MYOM1: variants seen among roughly 807,000 people sequenced by gnomAD.
MYOM1 encodes myomesin 1, also known as myomesin-1.
MYOM1 carries 164 observed loss-of-function variants against 205.3 expected under a neutral mutation model. That is an observed-to-expected ratio of 0.80 (90% confidence interval 0.70 to 0.91). The LOEUF is 0.91. MYOM1 is among the 40% of genes least tolerant of loss of function. MYOM1 has a pLI of 0.00. For synonymous variants in MYOM1, 772 were observed against 789.4 expected, an observed-to-expected ratio of 0.98 and a Z score of 0.37; for missense variants, 2,011 against 2,127.3, an observed-to-expected ratio of 0.95 and a Z score of 1.08.
rs569288238 is a variant in MYOM1 at position 3,209,514 on chromosome 18, C to T, written c.290+5420G>A. ...TTCCTTCTTTAACTCAGAATATCAA[C>T]TCCCTTCAATGGCCCACAGGCCCTC... is the stretch of plus-strand genomic sequence containing the variant. On this transcript the variant is annotated intron_variant, in intron 2 of 37. Transcript: ENST00000356443. The surrounding 1 kb of genome is among the most constrained non-coding windows in gnomAD (Gnocchi z 4.0). Among the ~76,000 whole-genome samples the T allele has an allele frequency of 9.2e-5, 14 of 152,336 alleles. No homozygotes were observed. Among genetic ancestry groups the T allele is most frequent in the South Asian group, 6.2e-4 (3 of 4,830 alleles).
chr18:3,239,756 C>CAAAAAAA, the MYOM1 span, among the ~76,000 whole-genome samples: 1 of 42,180 alleles, frequency 2.4e-5, no homozygotes, highest in Non-Finnish European at 4.4e-5. Context: ...CACCTTGTCT[C>CAAAAAAA]AAAAAAAAAA....
In MYOM1 at chr18:3,131,371, T is replaced by C. The variant is rs376166841; in HGVS notation, c.2506+4A>G. 10 of 1,613,708 alleles carry C rather than the reference T, an allele frequency of 6.2e-6. No homozygotes were observed. The African/African-American group carries it at 1.1e-4, about 17-fold the overall frequency. The stretch of plus-strand genomic sequence containing the variant: ...CCCCATACAGTTATGCATAAGGAAC[T>C]TACCAATAGCAGCTTTGACTTCAAT... On this transcript the variant is annotated splice_donor_region_variant and intron_variant, in intron 17 of 37. Transcript: ENST00000356443.
chr18:3,181,881 C>T (rs2080737497), intron 5 of MYOM1, among the ~76,000 whole-genome samples: 1 of 151,790 alleles, frequency 6.6e-6, no homozygotes, highest in Admixed American at 6.6e-5. Context: ...CTACAGGTTC[C>T]TGCCACCACA....
chr18:3,132,497 G>A (rs1400298271), intron 16 of MYOM1, among the ~76,000 whole-genome samples: 1 of 152,052 alleles, frequency 6.6e-6, no homozygotes, highest in African/African-American at 2.4e-5. Context: ...GGGATACATG[G>A]GAAGGTTTGT....
intron 36 of MYOM1, among the ~76,000 whole-genome samples, chr18:3,072,973 ATTTTTTT>A (rs770278592): frequency 9.8e-6 from 1 of 102,438 alleles, no homozygotes; most frequent in Non-Finnish European, 1.9e-5. Flanking sequence ...AGATGTAAGC[ATTTTTTT>A]TTTTTTTTTT....
chr18:3,125,856 C>G (rs1189271932), intron 19 of MYOM1, among the ~76,000 whole-genome samples: 1 of 152,158 alleles, frequency 6.6e-6, no homozygotes, highest in Non-Finnish European at 1.5e-5. Flanking sequence ...GAGGAGAACA[C>G]ATGTGAGGCC....
intron 29 of MYOM1, 71 bp downstream of exon 29, chr18:3,089,103 T>A: frequency 9.0e-7 from 1 of 1,104,980 alleles, no homozygotes; most frequent in Non-Finnish European, 1.3e-6. Context: ...GATGAAAAAT[T>A]GAGCTTCCTC....
intron 2 of MYOM1, among the ~76,000 whole-genome samples, chr18:3,206,599 C>CA (rs2081126108): frequency 6.6e-6 from 1 of 152,158 alleles, no homozygotes; most frequent in South Asian, 2.1e-4. Context: ...TTTGTGAAAA[C>CA]GTTGTTTTGG....
chr18:3,094,158 T>A lies in MYOM1; in HGVS notation c.3864+12A>T, dbSNP rs370173085. 6.2e-7 allele frequency: 1 copy of A among 1,613,486 alleles called. No individual in the cohort carries two copies. The highest frequency in any genetic ancestry group is 1.7e-5 in the Admixed American group (1 of 59,992). ...ATGATACATTAAAAAGTCTAAACAGTGTAAAACCTACCGGGCCTTCAAAAA... is the reference window on the plus strand; with the variant it reads ...ATGATACATTAAAAAGTCTAAACAGAGTAAAACCTACCGGGCCTTCAAAAA... On this transcript the variant is annotated intron_variant, in intron 26 of 37. Coordinates refer to ENST00000356443, the MANE Select transcript of MYOM1 (RefSeq NM_003803.4).
chr18:3,191,918 A>T lies in MYOM1; in HGVS notation c.431+1900T>A, dbSNP rs9949449. Among the ~76,000 whole-genome samples the T allele has an allele frequency of 3.7e-3, 564 of 152,098 alleles. 5 individuals carry two copies. Among genetic ancestry groups the T allele is most frequent in the African/African-American group, 0.013 (521 of 41,424 alleles). Reference sequence around the variant, plus strand: ...TCACCGTGTTAGCCAGGATGGTCTCAATCTCCTGACATTGTGATCTGCCCG... The same window carrying T: ...TCACCGTGTTAGCCAGGATGGTCTCTATCTCCTGACATTGTGATCTGCCCG... On this transcript the variant is annotated intron_variant, in intron 3 of 37. Coordinates refer to ENST00000356443, the MANE Select transcript of MYOM1 (RefSeq NM_003803.4).
intron 16 of MYOM1, among the ~76,000 whole-genome samples, chr18:3,131,719 T>G (rs888449110): frequency 6.6e-6 from 1 of 152,094 alleles, no homozygotes; most frequent in African/African-American, 2.4e-5. Context: ...GTGCTGGGAT[T>G]ACAGTTGTAA....
chr18:3,066,883 C>T lies in MYOM1; in HGVS notation c.*379G>A, dbSNP rs2143598576. 5.2e-6 allele frequency: 1 copy of T among 191,984 alleles called. No homozygotes were observed. The highest frequency in any genetic ancestry group is 1.2e-4 in the East Asian group (1 of 8,268). 11.9% of individuals were successfully genotyped at this position (191,984 alleles called of 1,614,324 possible). A position where few individuals can be genotyped will look rare whatever the true frequency, so the allele number is the denominator to read the frequency against. The stretch of plus-strand genomic sequence containing the variant: ...AAGCCACGAGGCGCCCGTCGAAAAG[C>T]ACATCACCTCTGTAACAACACACGA... On this transcript the variant is annotated 3_prime_UTR_variant, in exon 38 of 38. Transcript: ENST00000356443.
chr18:3,142,590 T>C (rs993749278), intron 13 of MYOM1, among the ~76,000 whole-genome samples: 5 of 57,642 alleles, frequency 8.7e-5, no homozygotes, highest in Non-Finnish European at 9.8e-5. Flanking sequence ...ATTTAGAATA[T>C]AGAGCTAAGA....
Position 3,134,709 on chromosome 18 carries a change from C to A in MYOM1, c.2325G>T (p.Ala775=). The A allele has an allele frequency of 6.2e-7, 1 of 1,613,896 alleles. No individual in the cohort carries two copies. Among genetic ancestry groups the A allele is most frequent in the South Asian group, 1.1e-5 (1 of 91,068 alleles). Residue 775 remains alanine, a synonymous_variant, in exon 16 of 38, where the codon GCG becomes GCT. Coordinates refer to ENST00000356443, the MANE Select transcript of MYOM1 (RefSeq NM_003803.4). ...AKELVGYYIE[A]SVAGSGKWEP... is the part of the protein sequence containing the mutation. ...CCCACTTGCCAGAGCCAGCAACGCT[C>A]GCCTCTATGTAGTACCCGACCAGCT...
At chr18:3,242,666 G>A in the MYOM1 span, among the ~76,000 whole-genome samples, 1 of 151,944 alleles carries the variant, frequency 6.6e-6, no homozygotes, top group Non-Finnish European at 1.5e-5. Context: ...GCACCACCAC[G>A]CCCAGTTAAT....
chr18:3,164,143 C>T (rs1315147168), intron 10 of MYOM1, 135 bp downstream of exon 10: 3 of 955,100 alleles, frequency 3.1e-6, no homozygotes, highest in African/African-American at 3.3e-5. Flanking sequence ...AGGCGTGAGA[C>T]ATTGCACCCT....
the MYOM1 span, among the ~76,000 whole-genome samples, chr18:3,227,566 C>T: frequency 6.6e-6 from 1 of 152,162 alleles, no homozygotes; most frequent in Non-Finnish European, 1.5e-5. Flanking sequence ...CACCTGTAAT[C>T]CCAACACTTT....
chr18:3,160,182 CTCTT>C (rs1231778592), intron 10 of MYOM1, among the ~76,000 whole-genome samples: 1 of 148,946 alleles, frequency 6.7e-6, no homozygotes, highest in South Asian at 2.1e-4. Flanking sequence ...TCTTCTCTCT[CTCTT>C]TTTTTTCTTT....
Position 3,185,758 on chromosome 18 carries a change from T to C in MYOM1, c.929+1722A>G, listed in dbSNP as rs534550092. Among the ~76,000 whole-genome samples the C allele has an allele frequency of 3.9e-5, 6 of 152,378 alleles. No individual in the cohort carries two copies. In the East Asian group the frequency reaches 5.8e-4, roughly 15 times the overall value. ...ATAAATTATTTGCCCTGATAATTCA[T>C]AGCCAGCTTTGATTTTTATTCTTTG... On this transcript the variant is annotated intron_variant, in intron 5 of 37. Transcript: ENST00000356443.
Sources: gnomAD v4.1 joint callset for allele counts (sites outside exome capture counted in the v4.1 genomes callset) on GRCh38, gnomAD v4.1.1 for gene constraint, Gnocchi (gnomAD v3.1) non-coding constraint, MANE v1.5 for transcripts, NCBI Gene and HGNC (gene_info 2026-07-23, HGNC 2026-07-21) for gene names.